IRAG1: variants seen among roughly 807,000 people sequenced by gnomAD.
IRAG1 encodes the protein inositol 1,4,5-triphosphate receptor associated 1, also known as IP3R-associated cGMP kinase substrate.
In IRAG1, 62 loss-of-function variants were observed where a neutral mutation model predicts 106.2. The ratio of observed to expected loss-of-function variants is 0.58; its 90% CI spans 0.48 to 0.72. The LOEUF (loss-of-function observed/expected upper bound fraction) is 0.72. Ranked by LOEUF, IRAG1 falls within the 30% of genes least tolerant of loss-of-function variation. The pLI, the probability that IRAG1 is intolerant of heterozygous loss-of-function variation, is 0.00. For missense variants in IRAG1, 1,064 were observed against 1,140.7 expected, an observed-to-expected ratio of 0.93 and a Z score of 0.97; for synonymous variants, 462 against 443.9, an observed-to-expected ratio of 1.04 and a Z score of -0.51.
chr11:10,630,712 C>T (rs1254618132), intron 4 of IRAG1, among the ~76,000 whole-genome samples: 2 of 152,210 alleles, frequency 1.3e-5, no homozygotes, highest in East Asian at 1.9e-4. Flanking sequence ...CTTGCTGGCC[C>T]CCACATACTC....
chr11:10,674,164 A>G (rs1410592299), intron 1 of IRAG1, among the ~76,000 whole-genome samples: 2 of 152,230 alleles, frequency 1.3e-5, no homozygotes, highest in African/African-American at 4.8e-5. Flanking sequence ...TAAGAGACAT[A>G]GCAGTAAGCA....
chr11:10,593,153 C>T (rs1852870912), intron 17 of IRAG1: 2 of 182,764 alleles, frequency 1.1e-5, no homozygotes, highest in African/African-American at 4.8e-5. Flanking sequence ...TACCACCTAT[C>T]ACACATTACA....
At chr11:10,640,484 A>C (rs1589895757) in intron 2 of IRAG1, among the ~76,000 whole-genome samples, 2 of 152,236 alleles carry the variant, frequency 1.3e-5, no homozygotes, top group East Asian at 3.8e-4. Flanking sequence ...AGAATCGTTG[A>C]GCAAGCTCTG....
At chr11:10,617,042 T>G in intron 10 of IRAG1, 4 of 985,198 alleles carry the variant, frequency 4.1e-6, no homozygotes, top group Non-Finnish European at 4.8e-6. Flanking sequence ...TTTTTTTACC[T>G]CTTTCTTCTC....
chr11:10,575,949 AAG>A lies in IRAG1; in HGVS notation c.*381_*382del, dbSNP rs1232410235. 2.9e-4 allele frequency: 63 copies of A among 216,274 alleles called. 1 individual carries two copies. The highest frequency in any genetic ancestry group is 2.8e-3 in the Admixed American group (55 of 19,864). 13.4% of individuals were successfully genotyped at this position (216,274 alleles called of 1,614,324 possible). ...TGATAACCAATTACAGAGAGGAAAA[AAG>A]AGAGTAAGTTTTTTACTGCCCCCTA... On this transcript the variant is annotated 3_prime_UTR_variant, in exon 21 of 21. Coordinates refer to ENST00000423302, the MANE Select transcript of IRAG1 (RefSeq NM_130385.4).
chr11:10,607,777 A>G (rs1564905025), intron 11 of IRAG1, among the ~76,000 whole-genome samples: 1 of 152,144 alleles, frequency 6.6e-6, no homozygotes, highest in Non-Finnish European at 1.5e-5. Flanking sequence ...TCTCACCCCT[A>G]GGGAATGATA....
chr11:10,653,620 G>A (rs1858700718), intron 1 of IRAG1, among the ~76,000 whole-genome samples: 1 of 152,120 alleles, frequency 6.6e-6, no homozygotes, highest in Non-Finnish European at 1.5e-5. Flanking sequence ...GCCACTCACT[G>A]GCTATGTGGC....
chr11:10,647,573 A>G lies in IRAG1; in HGVS notation c.225+4452T>C, dbSNP rs1490115008. On this transcript the variant is annotated intron_variant, in intron 2 of 20. Coordinates refer to ENST00000423302, the MANE Select transcript of IRAG1 (RefSeq NM_130385.4). The surrounding 1 kb of genome is among the most constrained non-coding windows in gnomAD (Gnocchi z 4.3). ...CTAAAACCCTTTGGAGGAGGATGGG[A>G]GTTGTTCAGGTGGAAGCTAGAGCCG... 6.6e-6 allele frequency among the ~76,000 whole-genome samples: 1 copy of G among 152,056 alleles called. No homozygotes were observed. The highest frequency in any genetic ancestry group is 1.5e-5 in the Non-Finnish European group (1 of 68,022).
chr11:10,650,865 C>T (rs565325180), intron 2 of IRAG1, among the ~76,000 whole-genome samples: 22 of 152,318 alleles, frequency 1.4e-4, no homozygotes, highest in Non-Finnish European at 2.9e-4. Flanking sequence ...ATCCGATGAG[C>T]TTGGGATATG....
At chr11:10,604,316 C>G (rs1854298099) in intron 13 of IRAG1, 89 bp downstream of exon 13, 1 of 1,524,700 alleles carries the variant, frequency 6.6e-7, no homozygotes, top group Admixed American at 1.9e-5. Context: ...GGAGACTATA[C>G]TTGGTACCTG....
intron 1 of IRAG1, among the ~76,000 whole-genome samples, chr11:10,672,093 C>T (rs1010587924): frequency 1.3e-5 from 2 of 152,152 alleles, no homozygotes; most frequent in African/African-American, 4.8e-5. Context: ...CAAGACAATT[C>T]GATGGGGAAA....
chr11:10,683,886 TAA>T (rs34835579), intron 1 of IRAG1, among the ~76,000 whole-genome samples: 64,376 of 147,322 alleles, frequency 0.44, 14,421 homozygotes, highest in East Asian at 0.81. Flanking sequence ...GTTGACACTT[TAA>T]AAAAAAAAAA....
rs531069757 is a variant in IRAG1, at chr11:10,586,448, C to A, written c.2241-4462G>T. ...TTTTTTTTTCCTTGAGACAGGGTCC[C>A]GCTCTGTCACTCAGGCTGGAGTGCA... On this transcript the variant is annotated intron_variant, in intron 18 of 20. Transcript: ENST00000423302. 2.0e-5 allele frequency among the ~76,000 whole-genome samples: 3 copies of A among 150,378 alleles called. No individual in the cohort carries two copies. In the East Asian group the frequency reaches 5.9e-4, roughly 29 times the overall value.
intron 1 of IRAG1, among the ~76,000 whole-genome samples, chr11:10,683,796 A>G (rs1475558980): frequency 6.6e-6 from 1 of 152,026 alleles, no homozygotes. Flanking sequence ...TTCTGGTAAT[A>G]CGATTTTCTT....
chr11:10,678,277 G>A (rs984240910), intron 1 of IRAG1, among the ~76,000 whole-genome samples: 2 of 152,156 alleles, frequency 1.3e-5, no homozygotes, highest in African/African-American at 2.4e-5. Context: ...ACAACATGCT[G>A]GGTCTATTTA....
intron 10 of IRAG1, among the ~76,000 whole-genome samples, chr11:10,623,425 A>G (rs1386476211): frequency 6.6e-6 from 1 of 152,226 alleles, no homozygotes; most frequent in Non-Finnish European, 1.5e-5. Context: ...ACAGCAGATT[A>G]GTAAGCAAGA....
At chr11:10,651,995 G>C in intron 2 of IRAG1, 30 bp downstream of exon 2, 1 of 1,533,546 alleles carries the variant, frequency 6.5e-7, no homozygotes, top group East Asian at 2.4e-5. Context: ...CCCCAGCCAG[G>C]CTAGCTGAGG....
intron 1 of IRAG1, among the ~76,000 whole-genome samples, chr11:10,676,436 C>G (rs930341920): frequency 6.6e-6 from 1 of 152,208 alleles, no homozygotes; most frequent in Admixed American, 6.5e-5. Context: ...GGGTGGTTGA[C>G]CCCACTGTGG....
At chr11:10,688,862 G>A (rs774926174) in intron 1 of IRAG1, among the ~76,000 whole-genome samples, 11 of 152,074 alleles carry the variant, frequency 7.2e-5, no homozygotes, top group Non-Finnish European at 1.5e-4. Context: ...CTGAAACCCC[G>A]GTTGGCCATT....
Sources: gnomAD v4.1 joint callset for allele counts (sites outside exome capture counted in the v4.1 genomes callset) on GRCh38, gnomAD v4.1.1 for gene constraint, Gnocchi (gnomAD v3.1) non-coding constraint, MANE v1.5 for transcripts, NCBI Gene and HGNC (gene_info 2026-07-23, HGNC 2026-07-21) for gene names.